BMX: variants seen among roughly 807,000 people sequenced by gnomAD.
BMX encodes the protein BMX non-receptor tyrosine kinase.
In BMX, 31 loss-of-function variants were observed where a neutral mutation model predicts 59.2. The ratio of observed to expected loss-of-function variants is 0.52; its 90% CI spans 0.39 to 0.71. The LOEUF (loss-of-function observed/expected upper bound fraction) is 0.71. BMX is among the 30% of genes least tolerant of loss of function. The pLI, the probability that BMX is intolerant of heterozygous loss-of-function variation, is 0.00. For synonymous variants in BMX, 185 were observed against 181.0 expected, an observed-to-expected ratio of 1.02 and a Z score of -0.18; for missense variants, 474 against 491.7, an observed-to-expected ratio of 0.96 and a Z score of 0.34.
At position 15,523,799 on chromosome X, in the gene BMX, T is replaced by C. The variant is rs184467673; in HGVS notation, c.752+1212T>C. Among the ~76,000 whole-genome samples, 27 of 111,971 alleles carry C rather than the reference T, an allele frequency of 2.4e-4. No individual in the cohort carries two copies. In the East Asian group the frequency reaches 7.6e-3, roughly 32 times the overall value. On this transcript the variant is annotated intron_variant, in intron 7 of 18. Coordinates refer to ENST00000348343, the MANE Select transcript of BMX (RefSeq NM_203281.3). Reference sequence around the variant, plus strand: ...AACCAGGAGGAACTGTCGATTCACATGGGGTTGCTGCCATTATTGAGTTTT... The same window carrying C: ...AACCAGGAGGAACTGTCGATTCACACGGGGTTGCTGCCATTATTGAGTTTT...
rs778455721 is a variant in BMX at position 15,509,395 on chromosome X, G to A, written c.205G>A (p.Glu69Lys). Residue 69 changes from glutamate (E) to lysine (K), a missense_variant, in exon 3 of 19, where the codon GAG (glutamate) becomes AAG (lysine). Transcript: ENST00000348343. The part of the protein sequence containing the change: ...KIRCVEKVNL[E>K]EQTPVERQYP... The stretch of plus-strand genomic sequence containing the variant: ...CAGATGTGTGGAGAAAGTAAATCTC[G>A]AGGAGCAGACGCCTGTAGAGAGACA... 8.3e-7 allele frequency: 1 copy of A among 1,207,512 alleles called. No individual in the cohort carries two copies. The highest frequency in any genetic ancestry group is 1.8e-5 in the South Asian group (1 of 56,616).
chrX:15,556,026 T>A (rs1354775392), intron 18 of BMX, 47 bp from the exon 19 acceptor site: 1 of 1,094,182 alleles, frequency 9.1e-7, no homozygotes, highest in Non-Finnish European at 1.2e-6. Flanking sequence ...TCATTGATCA[T>A]AACTCTCATC....
chrX:15,547,174 T>C (rs1925986318), intron 17 of BMX, among the ~76,000 whole-genome samples: 2 of 112,171 alleles, frequency 1.8e-5, no homozygotes, highest in Non-Finnish European at 3.8e-5. Context: ...ATAAATCTAC[T>C]CAGAGGTTGA....
At chrX:15,535,760 A>G (rs1162288116) in intron 12 of BMX, among the ~76,000 whole-genome samples, 3 of 60,068 alleles carry the variant, frequency 5.0e-5, no homozygotes, top group Non-Finnish European at 1.0e-4. Context: ...GGAAAAGTAC[A>G]TGTGTGATAG....
chrX:15,501,071 T>A, intron 1 of BMX, 131 bp downstream of exon 1: 1 of 539,022 alleles, frequency 1.9e-6, no homozygotes, highest in Non-Finnish European at 2.3e-6. Context: ...ACAACATTTT[T>A]AATATGAAAT....
chrX:15,539,187 G>C lies in BMX; in HGVS notation c.1394+1882G>C, dbSNP rs141669144. ...TGCCAGATTTTTCTCATGGTTACAG[G>C]CTCATGATGTAACCTCTGTGTCTTG... On this transcript the variant is annotated intron_variant, in intron 14 of 18. Transcript: ENST00000348343. Among the ~76,000 whole-genome samples the C allele has an allele frequency of 3.1e-4, 34 of 110,393 alleles. No individual in the cohort carries two copies. In the East Asian group the frequency reaches 9.1e-3, roughly 30 times the overall value.
chrX:15,521,685 G>C (rs1233259421), intron 6 of BMX, among the ~76,000 whole-genome samples: 1 of 111,018 alleles, frequency 9.0e-6, no homozygotes, highest in African/African-American at 3.3e-5. Flanking sequence ...TCTAACCTCT[G>C]CTTCCATCCT....
intron 17 of BMX, among the ~76,000 whole-genome samples, chrX:15,548,022 C>A (rs1471090679): frequency 2.7e-5 from 3 of 110,770 alleles, no homozygotes; most frequent in African/African-American, 9.9e-5. Context: ...TAACTATTCC[C>A]TTTGTAAAAG....
intron 18 of BMX, among the ~76,000 whole-genome samples, chrX:15,555,152 AT>A (rs1396999906): frequency 9.6e-6 from 1 of 103,737 alleles, no homozygotes; most frequent in African/African-American, 3.5e-5. Context: ...AAGTTGGGAA[AT>A]TTGACATCTT....
chrX:15,507,362 G>A (rs1391814134), intron 1 of BMX: 1 of 754,106 alleles, frequency 1.3e-6, no homozygotes, highest in African/African-American at 2.3e-5. Flanking sequence ...GAGCTTGAGA[G>A]TCAAAGTTAA....
At chrX:15,529,416 C>T (rs1294762269) in intron 9 of BMX, among the ~76,000 whole-genome samples, 1 of 112,127 alleles carries the variant, frequency 8.9e-6, no homozygotes, top group African/African-American at 3.2e-5. Context: ...TACATCCCAC[C>T]TCATGCCCTG....
intron 4 of BMX, among the ~76,000 whole-genome samples, chrX:15,512,309 C>T (rs1310919704): frequency 2.7e-5 from 3 of 111,440 alleles, no homozygotes; most frequent in African/African-American, 9.8e-5. Context: ...ATGAATGGCT[C>T]CATTTGTGAA....
At chrX:15,516,275 T>A (rs1384448158) in intron 5 of BMX, 44 bp downstream of exon 5, 1 of 1,190,004 alleles carries the variant, frequency 8.4e-7, no homozygotes, top group African/African-American at 1.8e-5. Flanking sequence ...GGGTGGATAG[T>A]GCTCCATTAG....
Position 15,500,812 on chromosome X carries a change from T to A in BMX, c.-138T>A. The A allele has an allele frequency of 1.3e-6, 1 of 754,108 alleles. No individual in the cohort carries two copies. The highest frequency in any genetic ancestry group is 1.6e-6 in the Non-Finnish European group (1 of 639,367). 62.1% of individuals were successfully genotyped at this position (754,108 alleles called of 1,213,427 possible). On this transcript the variant is annotated 5_prime_UTR_variant, in exon 1 of 19. Coordinates refer to ENST00000348343, the MANE Select transcript of BMX (RefSeq NM_203281.3). ...TTGGGGGCACTGAGTAATGTAGCCA[T>A]TTCTGACCCGGCAGCCAGGAAAATG... is the stretch of plus-strand genomic sequence containing the variant.
At chrX:15,551,608 G>A (rs963749988) in intron 18 of BMX, among the ~76,000 whole-genome samples, 33 of 108,536 alleles carry the variant, frequency 3.0e-4, no homozygotes, top group African/African-American at 1.1e-3. Flanking sequence ...ATAAATTGAC[G>A]CACACAACTT....
At chrX:15,506,853 A>G (rs1287685978) in intron 1 of BMX, among the ~76,000 whole-genome samples, 2 of 112,679 alleles carry the variant, frequency 1.8e-5, no homozygotes, top group Non-Finnish European at 3.7e-5. Flanking sequence ...AAATAGCTAA[A>G]ACAATATCCC....
intron 1 of BMX, among the ~76,000 whole-genome samples, chrX:15,502,849 T>C (rs1923616446): frequency 8.9e-6 from 1 of 111,812 alleles, no homozygotes; most frequent in African/African-American, 3.3e-5. Flanking sequence ...TGGACAAATA[T>C]TTGAAGATCA....
chrX:15,545,213 C>T (rs1348224008), intron 16 of BMX, among the ~76,000 whole-genome samples: 1 of 111,897 alleles, frequency 8.9e-6, no homozygotes, highest in Admixed American at 9.4e-5. Flanking sequence ...GGGCATAAGG[C>T]AGAGAGAGAG....
intron 1 of BMX, 27 bp from the exon 2 acceptor site, chrX:15,508,318 C>A: frequency 9.7e-7 from 1 of 1,032,348 alleles, no homozygotes; most frequent in Non-Finnish European, 1.3e-6. Flanking sequence ...GCTGCAAATA[C>A]TCATTTTAAT....
Sources: allele counts gnomAD v4.1 joint callset (sites outside exome capture counted in the v4.1 genomes callset), GRCh38; gene constraint gnomAD v4.1.1; transcripts MANE v1.5; gene names NCBI Gene and HGNC (gene_info 2026-07-23, HGNC 2026-07-21).